CSRNP3: variants seen among roughly 807,000 people sequenced by gnomAD.
The protein encoded by CSRNP3 is cysteine/serine-rich nuclear protein 3.
Under a neutral mutation model 48.0 loss-of-function variants are expected in CSRNP3, and 12 were observed. The observed-to-expected ratio is 0.25, with a 90% CI of 0.16 to 0.41. The LOEUF (loss-of-function observed/expected upper bound fraction) is 0.41. Ranked by LOEUF, CSRNP3 falls within the 10% of genes least tolerant of loss-of-function variation. CSRNP3 has a pLI of 1.00. For synonymous variants in CSRNP3, 263 were observed against 269.7 expected, an observed-to-expected ratio of 0.98 and a Z score of 0.24; for missense variants, 580 against 724.4, an observed-to-expected ratio of 0.80 and a Z score of 2.29.
chr2:165,581,197 G>C (rs917382882), intron 3 of CSRNP3, among the ~76,000 whole-genome samples: 3 of 152,154 alleles, frequency 2.0e-5, no homozygotes, highest in Non-Finnish European at 2.9e-5. Flanking sequence ...TCAATGTTTA[G>C]GGCCAAGAGG....
At chr2:165,498,893 C>T (rs1005911627) in intron 2 of CSRNP3, among the ~76,000 whole-genome samples, 4 of 152,084 alleles carry the variant, frequency 2.6e-5, no homozygotes, top group African/African-American at 9.7e-5. Flanking sequence ...ACTGTAGCTA[C>T]ATTTCATAAA....
intron 2 of CSRNP3, among the ~76,000 whole-genome samples, chr2:165,509,693 G>A (rs945443693): frequency 2.6e-5 from 4 of 152,158 alleles, no homozygotes; most frequent in African/African-American, 9.7e-5. Flanking sequence ...GCTTCCCCCA[G>A]TGTTAACCTC....
chr2:165,673,169 ACT>A (rs1395157283), intron 5 of CSRNP3, among the ~76,000 whole-genome samples: 1 of 93,954 alleles, frequency 1.1e-5, no homozygotes, highest in Non-Finnish European at 2.0e-5. Flanking sequence ...ACAGGGCATC[ACT>A]CTGTCACTCA....
rs775218544 is a variant in CSRNP3 at position 165,679,487 on chromosome 2, C to G, written c.1492C>G (p.Pro498Ala). 1 of 1,613,572 alleles carries G rather than the reference C, an allele frequency of 6.2e-7. No individual in the cohort carries two copies. Among genetic ancestry groups the G allele is most frequent in the Non-Finnish European group, 8.5e-7 (1 of 1,179,938 alleles). The stretch of plus-strand genomic sequence containing the variant: ...TGCCTCCCACTACCCAGCTGCCAAC[C>G]CCTCTGTAATCGTTTGCTGCTCCTC... Reference protein sequence around the residue: ...YGASHYPAANPSVIVCCSSSE... With the variant: ...YGASHYPAANASVIVCCSSSE... The change falls in exon 7 of 7, where the codon CCC (proline) becomes GCC (alanine). Residue 498 changes from proline to alanine, a missense_variant. Coordinates refer to ENST00000651982, the MANE Select transcript of CSRNP3 (RefSeq NM_001172173.2).
At chr2:165,670,395 T>A (rs1366615598) in intron 5 of CSRNP3, among the ~76,000 whole-genome samples, 2 of 152,300 alleles carry the variant, frequency 1.3e-5, no homozygotes. Flanking sequence ...TGTGCACCAG[T>A]ACACCTAATG....
intron 2 of CSRNP3, among the ~76,000 whole-genome samples, chr2:165,511,355 G>A (rs1299109400): frequency 1.3e-5 from 2 of 152,062 alleles, no homozygotes; most frequent in Non-Finnish European, 2.9e-5. Context: ...TAAGATGGGA[G>A]ATATTATAAC....
At chr2:165,672,010 A>G (rs1222171992) in intron 5 of CSRNP3, among the ~76,000 whole-genome samples, 2 of 152,172 alleles carry the variant, frequency 1.3e-5, no homozygotes, top group Admixed American at 6.6e-5. Flanking sequence ...CTCAGCCTGA[A>G]CTTGATTGTC....
At chr2:165,603,931 G>A (rs1463080787) in intron 4 of CSRNP3, among the ~76,000 whole-genome samples, 2 of 152,070 alleles carry the variant, frequency 1.3e-5, no homozygotes, top group African/African-American at 4.8e-5. Flanking sequence ...ATTCATATTT[G>A]TTATTACCCA....
At chr2:165,486,511 G>C (rs1484487151) in intron 1 of CSRNP3, among the ~76,000 whole-genome samples, 1 of 139,728 alleles carries the variant, frequency 7.2e-6, no homozygotes. Flanking sequence ...CAAACAAAAA[G>C]ACAGCAGTAA....
At chr2:165,513,423 C>T (rs890959319) in intron 2 of CSRNP3, among the ~76,000 whole-genome samples, 1 of 152,130 alleles carries the variant, frequency 6.6e-6, no homozygotes, top group Non-Finnish European at 1.5e-5. Context: ...AAGCAGAAGT[C>T]GTCAACTTAG....
chr2:165,478,968 G>A (rs989096638), intron 1 of CSRNP3, among the ~76,000 whole-genome samples: 9 of 152,182 alleles, frequency 5.9e-5, no homozygotes, highest in South Asian at 4.2e-4. Flanking sequence ...ATCCAAAAGC[G>A]AAGCTATTTA....
intron 4 of CSRNP3, among the ~76,000 whole-genome samples, chr2:165,623,475 G>A (rs1321037378): frequency 1.3e-5 from 2 of 152,150 alleles, no homozygotes; most frequent in South Asian, 4.1e-4. Context: ...AAATTGTCTT[G>A]CACAAAACCA....
chr2:165,612,074 G>T (rs1384527252), intron 4 of CSRNP3, among the ~76,000 whole-genome samples: 1 of 151,776 alleles, frequency 6.6e-6, no homozygotes, highest in African/African-American at 2.4e-5. Context: ...CATTGTCTAG[G>T]TAATATTTAC....
At chr2:165,541,222 A>AT (rs35223566) in intron 3 of CSRNP3, among the ~76,000 whole-genome samples, 44,121 of 145,062 alleles carry the variant, frequency 0.3, 6,440 homozygotes, top group East Asian at 0.34. Context: ...CACCAAATGC[A>AT]TTTTTTTTTT....
At chr2:165,587,273 G>T (rs1170107648) in intron 3 of CSRNP3, among the ~76,000 whole-genome samples, 1 of 152,226 alleles carries the variant, frequency 6.6e-6, no homozygotes, top group Non-Finnish European at 1.5e-5. Context: ...AAGTGTGGGT[G>T]CAGGGAAAGG....
In CSRNP3 at chr2:165,675,273, T is replaced by C. The variant is rs146689739; in HGVS notation, c.409-1039T>C. On this transcript the variant is annotated intron_variant, in intron 5 of 6. Transcript: ENST00000651982. ...TAAGCTCACCAAGCATAGTAATAAT[T>C]ATAATTAATAAATTTTAGGAAGTGA... Among the ~76,000 whole-genome samples, 22 of 152,260 alleles carry C rather than the reference T, an allele frequency of 1.4e-4. No homozygotes were observed. In the East Asian group the frequency reaches 4.2e-3, roughly 29 times the overall value.
At chr2:165,520,663 G>T (rs1684638608) in intron 3 of CSRNP3, among the ~76,000 whole-genome samples, 1 of 148,726 alleles carries the variant, frequency 6.7e-6, no homozygotes, top group African/African-American at 2.5e-5. Context: ...ACAAAGTAAA[G>T]TTCACAATTA....
chr2:165,673,400 A>C (rs915637784), intron 5 of CSRNP3, among the ~76,000 whole-genome samples: 7 of 151,976 alleles, frequency 4.6e-5, no homozygotes, highest in Admixed American at 3.9e-4. Context: ...CGTCTACCAA[A>C]GTGCTGTGAT....
intron 2 of CSRNP3, among the ~76,000 whole-genome samples, chr2:165,509,984 G>A (rs1338937889): frequency 6.6e-6 from 1 of 152,066 alleles, no homozygotes; most frequent in Non-Finnish European, 1.5e-5. Context: ...TTTCTCTGAT[G>A]TTTTCTAATG....
Sources: gnomAD v4.1 joint callset for allele counts (sites outside exome capture counted in the v4.1 genomes callset) on GRCh38, gnomAD v4.1.1 for gene constraint, MANE v1.5 for transcripts, NCBI Gene and HGNC (gene_info 2026-07-23, HGNC 2026-07-21) for gene names.